RNF25: variants seen among roughly 807,000 people sequenced by gnomAD.
RNF25 encodes E3 ubiquitin-protein ligase RNF25.
In RNF25, 32 loss-of-function variants were observed where a neutral mutation model predicts 65.0. That is an observed-to-expected ratio of 0.49 (90% CI 0.37 to 0.66). The LOEUF (loss-of-function observed/expected upper bound fraction) is 0.66, where lower values mean the gene tolerates loss of function less well. Ranked by LOEUF, RNF25 falls within the 30% of genes least tolerant of loss-of-function variation. The pLI, the probability that RNF25 is intolerant of heterozygous loss-of-function variation, is 0.00. For synonymous variants in RNF25, 207 were observed against 221.2 expected, an observed-to-expected ratio of 0.94 and a Z score of 0.57; for missense variants, 493 against 584.8, an observed-to-expected ratio of 0.84 and a Z score of 1.62.
At position 218,666,077 on chromosome 2, in the gene RNF25, G is replaced by A. The variant is rs1478944015; in HGVS notation, c.430-18C>T. 2 of 1,612,870 alleles carry A rather than the reference G, an allele frequency of 1.2e-6. No individual in the cohort carries two copies. The highest frequency in any genetic ancestry group is 1.3e-5 in the African/African-American group (1 of 74,900). Reference sequence around the variant, plus strand: ...TCCTTCTCCTAGAGGGAAGGCAGATGTAGGGCACTAAGTCAGAGCTCTCTC... The same window carrying A: ...TCCTTCTCCTAGAGGGAAGGCAGATATAGGGCACTAAGTCAGAGCTCTCTC... On this transcript the variant is annotated intron_variant, in intron 6 of 9. Transcript: ENST00000295704.
chr2:218,667,355 CT>C (rs1327336798), intron 5 of RNF25, among the ~76,000 whole-genome samples: 235 of 139,408 alleles, frequency 1.7e-3, no homozygotes, highest in Admixed American at 1.5e-3. Context: ...ATGACTTTTT[CT>C]TTTTTTTTTT....
At chr2:218,671,561 A>T (rs1284933199) in intron 1 of RNF25, among the ~76,000 whole-genome samples, 2 of 152,098 alleles carry the variant, frequency 1.3e-5, no homozygotes, top group Non-Finnish European at 2.9e-5. Context: ...CCGGAACTGG[A>T]GGGCACTGGT....
chr2:218,669,518 T>C (rs554563826), intron 1 of RNF25, among the ~76,000 whole-genome samples: 1 of 152,354 alleles, frequency 6.6e-6, no homozygotes, highest in East Asian at 1.9e-4. Flanking sequence ...GATGTATTTA[T>C]GACCTGGCTG....
chr2:218,671,800 T>C (rs1939984056), intron 1 of RNF25, 130 bp downstream of exon 1: 1 of 987,744 alleles, frequency 1.0e-6, no homozygotes, highest in Non-Finnish European at 1.5e-6. Context: ...TTCCCAGAGA[T>C]GTCAGCATCT....
At position 218,664,190 on chromosome 2, in the gene RNF25, T is replaced by G. The variant is rs1939761138; in HGVS notation, c.1147A>C (p.Met383Leu). The part of the protein sequence containing the change: ...PPPEGPLKEP[M>L]DLKPEPHSQG... ...CTATGGGGTTCTGGCTTTAGGTCCA[T>G]GGGCTCCTTGAGGGGCCCCTCAGGA... The change falls in exon 10 of 10, where the codon ATG becomes CTG. Residue 383 changes from methionine (M) to leucine (L), a missense_variant. By Grantham distance (15) the Met-to-Leu change is conservative. This residue lies in a region of RNF25 where 351 missense variants were observed against 400.2 expected (regional missense o/e 0.88). Transcript: ENST00000295704. The surrounding 1 kb of genome is among the most constrained non-coding windows in gnomAD (Gnocchi z 5.1). 1.3e-6 allele frequency: 2 copies of G among 1,588,208 alleles called. No individual in the cohort carries two copies. The highest frequency in any genetic ancestry group is 2.2e-5 in the East Asian group (1 of 44,726).
At chr2:218,669,581 A>T (rs1248094128) in intron 1 of RNF25, among the ~76,000 whole-genome samples, 1 of 152,156 alleles carries the variant, frequency 6.6e-6, no homozygotes, top group Non-Finnish European at 1.5e-5. Context: ...TTCTGATGTA[A>T]ATCAAGGGAC....
intron 4 of RNF25, 36 bp from the exon 5 acceptor site, chr2:218,668,017 C>T (rs2106336889): frequency 6.2e-7 from 1 of 1,613,454 alleles, no homozygotes; most frequent in Non-Finnish European, 8.5e-7. Context: ...TTAGACCTGC[C>T]CATTTCTGTC....
intron 1 of RNF25, among the ~76,000 whole-genome samples, chr2:218,671,520 C>T (rs774216628): frequency 2.0e-5 from 3 of 151,954 alleles, no homozygotes; most frequent in Non-Finnish European, 4.4e-5. Flanking sequence ...AAAGCGTCGG[C>T]GGAAAAAGGC....
rs377322408 is a variant in RNF25 at position 218,664,346 on chromosome 2, C to T, written c.991G>A (p.Glu331Lys). ...GTRSNQQRLG[E>K]TQKAMLDPPK... is the part of the protein sequence containing the mutation. ...GGATCTAGCATAGCTTTCTGGGTTT[C>T]GCCCAACCTTTGCTGATTTGACCTG... The change falls in exon 10 of 10, where the codon GAA becomes AAA. Residue 331 changes from glutamate (E) to lysine (K), a missense_variant. Around this residue, in one of 3 missense-constraint regions of RNF25, gnomAD observed 351 missense variants for 400.2 expected, o/e 0.88. Transcript: ENST00000295704. This position sits in a 1 kb window ranked among gnomAD's most constrained non-coding sequence, Gnocchi z 5.1. 97 of 1,614,038 alleles carry T rather than the reference C, an allele frequency of 6.0e-5. No homozygotes were observed. The highest frequency in any genetic ancestry group is 3.7e-4 in the Admixed American group (22 of 59,996).
rs10172099 is a variant in RNF25, at chr2:218,664,886, A to T, written c.667-13T>A. The T allele has an allele frequency of 6.7e-3, 10,884 of 1,614,026 alleles. 606 individuals carry two copies. In the African/African-American group the frequency reaches 0.13, roughly 19 times the overall value. ...GCTGGTACAGCTCCTGGAAGGAAGA[A>T]TGGCAGAGAGGAAATAATGAACAGC... On this transcript the variant is annotated splice_polypyrimidine_tract_variant and intron_variant, in intron 8 of 9. Coordinates refer to ENST00000295704, the MANE Select transcript of RNF25 (RefSeq NM_022453.3). The surrounding 1 kb of genome is among the most constrained non-coding windows in gnomAD (Gnocchi z 5.1).
rs1453633725 is a variant in RNF25, at chr2:218,668,139, T to C, written c.227A>G (p.His76Arg). 1 of 1,614,158 alleles carries C rather than the reference T, an allele frequency of 6.2e-7. No homozygotes were observed. Among genetic ancestry groups the C allele is most frequent in the Admixed American group, 1.7e-5 (1 of 60,016 alleles). ...LVLQVPAEYPHEVPQISIRNP... is the reference protein window; with the variant it reads ...LVLQVPAEYPREVPQISIRNP... ...TCGGATAGAGATCTGTGGCACCTCA[T>C]GGGGATACTAGTGGGGGCAAATAAC... Residue 76 changes from histidine (H) to arginine (R), a missense_variant, in exon 4 of 10, where the codon CAT becomes CGT. Coordinates refer to ENST00000295704, the MANE Select transcript of RNF25 (RefSeq NM_022453.3).
intron 1 of RNF25, among the ~76,000 whole-genome samples, chr2:218,669,105 C>T (rs920262646): frequency 6.6e-6 from 1 of 151,762 alleles, no homozygotes; most frequent in African/African-American, 2.4e-5. Flanking sequence ...AGTGTGGATC[C>T]CAGTGCCTTG....
At chr2:218,665,520 ATCACTTGAGG>A (rs997560179) in intron 7 of RNF25, among the ~76,000 whole-genome samples, 1 of 151,952 alleles carries the variant, frequency 6.6e-6, no homozygotes, top group African/African-American at 2.4e-5. Flanking sequence ...GGCGGGCGGG[ATCACTTGAGG>A]TCATGAGTTT....
chr2:218,667,584 C>T (rs938370595), intron 5 of RNF25, among the ~76,000 whole-genome samples: 2 of 152,078 alleles, frequency 1.3e-5, no homozygotes, highest in Non-Finnish European at 2.9e-5. Context: ...GGCTAAGACG[C>T]CCCCAAGCAA....
chr2:218,664,988 C>G lies in RNF25; in HGVS notation c.667-115G>C. 1 of 1,497,586 alleles carries G rather than the reference C, an allele frequency of 6.7e-7. No homozygotes were observed. Among genetic ancestry groups the G allele is most frequent in the Non-Finnish European group, 9.1e-7 (1 of 1,100,990 alleles). The allele number at this position is 1,497,586 out of a possible 1,614,324, so 92.8% of individuals were successfully genotyped here. A position where few individuals can be genotyped will look rare whatever the true frequency, so the allele number is the denominator to read the frequency against. On this transcript the variant is annotated intron_variant, in intron 8 of 9. Transcript: ENST00000295704. The surrounding 1 kb of genome is among the most constrained non-coding windows in gnomAD (Gnocchi z 5.1). ...ACTGGTTTTGCCCCTCAGGTCTGGG[C>G]TCCCAGAGTCTTAGGCTCCCGCCAG... is the stretch of plus-strand genomic sequence containing the variant.
At chr2:218,669,278 C>A (rs1254853932) in intron 1 of RNF25, among the ~76,000 whole-genome samples, 1 of 152,214 alleles carries the variant, frequency 6.6e-6, no homozygotes, top group Non-Finnish European at 1.5e-5. Context: ...ACAAGCTATG[C>A]AATCTGGGAC....
At position 218,664,372 on chromosome 2, in the gene RNF25, G is replaced by A. The variant is rs1426388034; in HGVS notation, c.965C>T (p.Thr322Ile). Residue 322 changes from threonine (T) to isoleucine (I), a missense_variant, in exon 10 of 10, where the codon ACC (threonine) becomes ATC (isoleucine). This residue lies in a region of RNF25 where 351 missense variants were observed against 400.2 expected (regional missense o/e 0.88). Transcript: ENST00000295704. This position sits in a 1 kb window ranked among gnomAD's most constrained non-coding sequence, Gnocchi z 5.1. ...GCCCAACCTTTGCTGATTTGACCTG[G>A]TCCCTGGAATCTTCTCACATATGTG... ...TQHICEKIPG[T>I]RSNQQRLGET... is the part of the protein sequence containing the mutation. 2 of 1,614,082 alleles carry A rather than the reference G, an allele frequency of 1.2e-6. No individual in the cohort carries two copies. The highest frequency in any genetic ancestry group is 1.7e-6 in the Non-Finnish European group (2 of 1,180,056).
At chr2:218,670,270 G>A (rs536241784) in intron 1 of RNF25, among the ~76,000 whole-genome samples, 3 of 150,878 alleles carry the variant, frequency 2.0e-5, no homozygotes, top group South Asian at 2.1e-4. Flanking sequence ...TCTTAATAAC[G>A]GCCAGTACTA....
intron 1 of RNF25, among the ~76,000 whole-genome samples, chr2:218,670,856 C>G (rs887387304): frequency 6.6e-6 from 1 of 151,416 alleles, no homozygotes; most frequent in Admixed American, 6.6e-5. Context: ...TCTAGTCTTC[C>G]CAGGTGCCTG....
Sources: allele counts gnomAD v4.1 joint callset (sites outside exome capture counted in the v4.1 genomes callset), GRCh38; gene constraint gnomAD v4.1.1; regional missense constraint gnomAD v4.1.1; non-coding constraint Gnocchi (gnomAD v3.1); transcripts MANE v1.5; gene names NCBI Gene and HGNC (gene_info 2026-07-23, HGNC 2026-07-21).